Variants in DIS3 observed in about 807,000 individuals in gnomAD.
The protein encoded by DIS3 is DIS3 exosome endoribonuclease and 3'-5' exoribonuclease, also known as exosome complex exonuclease RRP44.
Under a neutral mutation model 113.0 loss-of-function variants are expected in DIS3, and 103 were observed. The ratio of observed to expected loss-of-function variants is 0.91; its 90% CI spans 0.78 to 1.07. DIS3 has a LOEUF of 1.07. Ranked by LOEUF, DIS3 falls within the 50% of genes least tolerant of loss-of-function variation. DIS3 has a pLI of 0.00. For synonymous variants in DIS3, 402 were observed against 394.3 expected (o/e 1.02, Z -0.23); for missense variants, 1,121 against 1,167.1 (o/e 0.96, Z 0.58).
intron 8 of DIS3, 109 bp from the exon 9 acceptor site, chr13:72,772,948 C>T: frequency 8.0e-7 from 1 of 1,243,724 alleles, no homozygotes; most frequent in Non-Finnish European, 1.1e-6. Flanking sequence ...TAAATATTCC[C>T]ATAACGATTT....
At chr13:72,779,828 T>C (rs964163591) in intron 2 of DIS3, among the ~76,000 whole-genome samples, 2 of 151,936 alleles carry the variant, frequency 1.3e-5, no homozygotes, top group African/African-American at 4.8e-5. Context: ...TTAAACATAC[T>C]ACAATGTATA....
intron 14 of DIS3, among the ~76,000 whole-genome samples, chr13:72,768,541 T>C (rs1339294003): frequency 6.6e-6 from 1 of 152,144 alleles, no homozygotes; most frequent in African/African-American, 2.4e-5. Context: ...TCCCAGCTAC[T>C]TGAACGACAG....
At chr13:72,779,942 GATTA>G (rs913449545) in intron 2 of DIS3, among the ~76,000 whole-genome samples, 2 of 152,052 alleles carry the variant, frequency 1.3e-5, no homozygotes, top group African/African-American at 2.4e-5. Flanking sequence ...ACTCATCATA[GATTA>G]TTTATGTAAT....
At chr13:72,781,572 G>A in intron 1 of DIS3, 33 bp downstream of exon 1, 1 of 1,482,156 alleles carries the variant, frequency 6.7e-7, no homozygotes, top group Non-Finnish European at 9.0e-7. Flanking sequence ...TCCCCGTGGG[G>A]CCGCGCTGTC....
chr13:72,767,539 T>A (rs1286148413), intron 14 of DIS3, among the ~76,000 whole-genome samples: 1 of 152,122 alleles, frequency 6.6e-6, no homozygotes, highest in Non-Finnish European at 1.5e-5. Context: ...ATATTTAAGA[T>A]CACATAAAAA....
chr13:72,761,304 T>G, intron 19 of DIS3, 59 bp downstream of exon 19: 1 of 1,555,442 alleles, frequency 6.4e-7, no homozygotes, highest in Non-Finnish European at 8.6e-7. Flanking sequence ...GTACCATTTA[T>G]GAACTCTCAA....
intron 3 of DIS3, among the ~76,000 whole-genome samples, chr13:72,777,749 G>A (rs920889107): frequency 9.3e-5 from 14 of 150,732 alleles, no homozygotes; most frequent in African/African-American, 2.2e-4. Flanking sequence ...TACCATGCAC[G>A]GCTTTTTTTT....
intron 16 of DIS3, among the ~76,000 whole-genome samples, chr13:72,762,603 G>T (rs926181878): frequency 6.6e-6 from 1 of 152,146 alleles, no homozygotes; most frequent in Non-Finnish European, 1.5e-5. Context: ...CTCTCTTCTA[G>T]ATGGGAAGGA....
chr13:72,777,450 T>C lies in DIS3; in HGVS notation c.624A>G (p.Ile208Met). 3 of 1,614,112 alleles carry C rather than the reference T, an allele frequency of 1.9e-6. No homozygotes were observed. Among genetic ancestry groups the C allele is most frequent in the East Asian group, 2.2e-5 (1 of 44,866 alleles). Residue 208 changes from isoleucine (I) to methionine (M), a missense_variant, in exon 4 of 21, where the codon ATA becomes ATG. Around this residue, in one of 3 missense-constraint regions of DIS3, gnomAD observed 861 missense variants for 915.5 expected, o/e 0.94. Coordinates refer to ENST00000377767, the MANE Select transcript of DIS3 (RefSeq NM_014953.5). ...VKSLTANPEL[I>M]DRLACLSEEG... Reference sequence around the variant, plus strand: ...CTTCAGACAAACAAGCAAGACGATCTATGAGTTCGGGGTTAGCAGTTAGGC... The same window carrying C: ...CTTCAGACAAACAAGCAAGACGATCCATGAGTTCGGGGTTAGCAGTTAGGC...
In DIS3 at chr13:72,781,814, AC is replaced by A. The variant is rs1352866983; in HGVS notation, c.18del (p.Phe7SerfsTer2). On this transcript the variant is annotated frameshift_variant, in exon 1 of 21. Coordinates refer to ENST00000377767, the MANE Select transcript of DIS3 (RefSeq NM_014953.5). LOFTEE classifies it high-confidence loss of function. Reference protein sequence around the residue: MLKSKTFLKKTRAGGV... With the variant: MLKSKXFLKKTRAGGV... ...CCGCCCGCCCGGGTCTTTTTTAAGA[AC>A]GTCTTGGACTTGAGCATCTTGCCTC... 3.6e-5 allele frequency: 57 copies of A among 1,597,884 alleles called. No individual in the cohort carries two copies. The highest frequency in any genetic ancestry group is 4.6e-5 in the Non-Finnish European group (54 of 1,171,132).
intron 15 of DIS3, among the ~76,000 whole-genome samples, chr13:72,764,660 A>G (rs1233256232): frequency 2.0e-5 from 3 of 152,208 alleles, no homozygotes; most frequent in Non-Finnish European, 4.4e-5. Context: ...CTGTTGATAC[A>G]GTGCTTTCTG....
chr13:72,762,264 TAGA>T, intron 16 of DIS3, 127 bp from the exon 17 acceptor site: 4 of 821,016 alleles, frequency 4.9e-6, no homozygotes, highest in Non-Finnish European at 5.6e-6. Flanking sequence ...CCCTTCAAAG[TAGA>T]AGTAGTAGCC....
In DIS3 at chr13:72,761,524, G is replaced by A; in HGVS notation, c.2512-3C>T. ...ATTCCTTTGCTTTTGAAGAATAACT[G>A]TAAAATAACATACAACTTATTTAAA... On this transcript the variant is annotated splice_region_variant and splice_polypyrimidine_tract_variant and intron_variant, in intron 18 of 20. Transcript: ENST00000377767. 6.4e-7 allele frequency: 1 copy of A among 1,564,010 alleles called. No homozygotes were observed. The highest frequency in any genetic ancestry group is 2.3e-5 in the East Asian group (1 of 44,298).
chr13:72,780,325 C>CAAAAAA (rs397851597), intron 2 of DIS3, among the ~76,000 whole-genome samples: 31 of 55,362 alleles, frequency 5.6e-4, no homozygotes, highest in Middle Eastern at 0.014. Context: ...GACTCCATCT[C>CAAAAAA]AAAAAAAAAA....
At chr13:72,769,610 A>G (rs1360246479) in intron 13 of DIS3, among the ~76,000 whole-genome samples, 1 of 152,022 alleles carries the variant, frequency 6.6e-6, no homozygotes, top group Admixed American at 6.6e-5. Flanking sequence ...CAACTCATCT[A>G]CTAAAGGCTA....
In DIS3 at chr13:72,781,589, T is replaced by G; in HGVS notation, c.228+16A>C. 2 of 1,489,160 alleles carry G rather than the reference T, an allele frequency of 1.3e-6. No homozygotes were observed. The highest frequency in any genetic ancestry group is 1.8e-6 in the Non-Finnish European group (2 of 1,115,852). 92.2% of individuals were successfully genotyped at this position (1,489,160 alleles called of 1,614,324 possible). ...CCCGTGGGGCCGCGCTGTCCGCGGT[T>G]CGCCCGCCCACGCACCTGGTGCAGT... On this transcript the variant is annotated intron_variant, in intron 1 of 20. Coordinates refer to ENST00000377767, the MANE Select transcript of DIS3 (RefSeq NM_014953.5).
chr13:72,765,050 A>ATGC (rs2033713281), intron 15 of DIS3, among the ~76,000 whole-genome samples: 4 of 152,194 alleles, frequency 2.6e-5, no homozygotes, highest in African/African-American at 9.7e-5. Context: ...CATCTATTAG[A>ATGC]AAAGTGCATA....
chr13:72,755,374 A>G lies in DIS3; in HGVS notation c.*4421T>C. On this transcript the variant is annotated 3_prime_UTR_variant, in exon 21 of 21. Transcript: ENST00000377767. Reference sequence around the variant, plus strand: ...AAATCAAGGGCTTACTGACATAGGAACAACAGAAATGCTCCTGGAACTTCA... The same window carrying G: ...AAATCAAGGGCTTACTGACATAGGAGCAACAGAAATGCTCCTGGAACTTCA... The G allele has an allele frequency of 1.8e-6, 1 of 560,846 alleles. No individual in the cohort carries two copies. Among genetic ancestry groups the G allele is most frequent in the Non-Finnish European group, 3.1e-6 (1 of 322,006 alleles). 34.7% of individuals were successfully genotyped at this position (560,846 alleles called of 1,614,324 possible).
In DIS3 at chr13:72,773,753, A is replaced by AG; in HGVS notation, c.1169dup (p.Ser391PhefsTer13). Reference sequence around the variant, plus strand: ...TAATTCTCCGTCCTTCTAATGTGGAAGCCTGTCTGGTTTCTATGCGAATTC... The same window carrying AG: ...TAATTCTCCGTCCTTCTAATGTGGAAGGCCTGTCTGGTTTCTATGCGAATTC... On this transcript the variant is annotated frameshift_variant, in exon 8 of 21. Coordinates refer to ENST00000377767, the MANE Select transcript of DIS3 (RefSeq NM_014953.5). LOFTEE classifies it high-confidence loss of function. 1 of 1,614,078 alleles carries AG rather than the reference A, an allele frequency of 6.2e-7. No individual in the cohort carries two copies. Among genetic ancestry groups the AG allele is most frequent in the Non-Finnish European group, 8.5e-7 (1 of 1,179,980 alleles).
Sources: gnomAD v4.1 joint callset for allele counts (sites outside exome capture counted in the v4.1 genomes callset) on GRCh38, gnomAD v4.1.1 for gene constraint, gnomAD v4.1.1 regional missense constraint, MANE v1.5 for transcripts, NCBI Gene and HGNC (gene_info 2026-07-23, HGNC 2026-07-21) for gene names.